Variants in TANC1 observed in about 807,000 individuals in gnomAD.
TANC1 encodes the protein protein TANC1.
Under a neutral mutation model 149.7 loss-of-function variants are expected in TANC1, and 77 were observed. That is an observed-to-expected ratio of 0.51 (90% CI 0.43 to 0.62). The LOEUF (loss-of-function observed/expected upper bound fraction) is 0.62, where lower values mean the gene tolerates loss of function less well. Among genes scored for constraint, TANC1 ranks in the 20% least tolerant of loss-of-function variants. TANC1 has a pLI of 0.00. For synonymous variants in TANC1, 854 were observed against 925.0 expected, an observed-to-expected ratio of 0.92 and a Z score of 1.39; for missense variants, 1,985 against 2,321.8, an observed-to-expected ratio of 0.85 and a Z score of 2.98.
At chr2:159,186,234 C>T (rs1027147478) in intron 15 of TANC1, among the ~76,000 whole-genome samples, 3 of 152,054 alleles carry the variant, frequency 2.0e-5, no homozygotes, top group East Asian at 1.9e-4. Context: ...TTGATTTGTT[C>T]GAGAACCTGA....
intron 7 of TANC1, among the ~76,000 whole-genome samples, chr2:159,153,652 C>A (rs2053102704): frequency 6.8e-6 from 1 of 147,230 alleles, no homozygotes; most frequent in South Asian, 2.2e-4. Flanking sequence ...AGCCACAGGT[C>A]TTTGAAGAGG....
At chr2:159,094,899 A>C (rs528225229) in intron 3 of TANC1, among the ~76,000 whole-genome samples, 35 of 151,838 alleles carry the variant, frequency 2.3e-4, no homozygotes, top group African/African-American at 8.2e-4. Flanking sequence ...ATTTGCATGA[A>C]TGTCCTTATT....
chr2:159,108,817 G>T (rs1046693235), intron 4 of TANC1, among the ~76,000 whole-genome samples: 23 of 152,090 alleles, frequency 1.5e-4, no homozygotes, highest in Admixed American at 3.9e-4. Flanking sequence ...GAGCCCAGTG[G>T]GAACCAGAGT....
chr2:159,075,338 C>T (rs1224569928), intron 3 of TANC1, among the ~76,000 whole-genome samples: 4 of 150,518 alleles, frequency 2.7e-5, no homozygotes, highest in East Asian at 2.0e-4. Context: ...GAGGCTGAGG[C>T]GGGAGGATTG....
Position 159,179,002 on chromosome 2 carries a change from G to C in TANC1, c.2349G>C (p.Gln783His). The C allele has an allele frequency of 1.2e-6, 2 of 1,614,092 alleles. No homozygotes were observed. Among genetic ancestry groups the C allele is most frequent in the Non-Finnish European group, 1.7e-6 (2 of 1,180,034 alleles). Residue 783 changes from glutamine (Q) to histidine (H), a missense_variant, in exon 14 of 27, where the codon CAG becomes CAC. Transcript: ENST00000263635. ...IFQAINAGHIQGEQGWEDFQQ... is the reference protein window; with the variant it reads ...IFQAINAGHIHGEQGWEDFQQ... The stretch of plus-strand genomic sequence containing the variant: ...AGGCTATTAATGCTGGCCACATCCA[G>C]GGGGAGCAGGGATGGGAAGACTTTC...
intron 2 of TANC1, among the ~76,000 whole-genome samples, chr2:159,027,619 G>A (rs2039452342): frequency 6.6e-6 from 1 of 152,060 alleles, no homozygotes. Flanking sequence ...GCAATTACAG[G>A]CTTTTTCTAG....
intron 7 of TANC1, among the ~76,000 whole-genome samples, chr2:159,158,078 G>T (rs77384527): frequency 1.3e-5 from 2 of 152,086 alleles, no homozygotes; most frequent in Non-Finnish European, 2.9e-5. Flanking sequence ...TAGAGAGGCC[G>T]GGCATGGTGG....
At chr2:159,009,119 A>C (rs1011925016) in intron 2 of TANC1, among the ~76,000 whole-genome samples, 1 of 152,152 alleles carries the variant, frequency 6.6e-6, no homozygotes, top group African/African-American at 2.4e-5. Context: ...CCAAAGCTTT[A>C]TTTTCACTTG....
At position 159,198,916 on chromosome 2, in the gene TANC1, G is replaced by A. The variant is rs1279094249; in HGVS notation, c.3166-59G>A. The stretch of plus-strand genomic sequence containing the variant: ...ACACACTGTCTCCTTTGATACATGG[G>A]CTATAATAAGCACCTCTTGCTAAGA... On this transcript the variant is annotated intron_variant, in intron 18 of 26. Transcript: ENST00000263635. The A allele has an allele frequency of 6.8e-6, 8 of 1,178,460 alleles. No individual in the cohort carries two copies. The African/African-American group carries it at 9.0e-5, about 13-fold the overall frequency. 73.0% of individuals were successfully genotyped at this position (1,178,460 alleles called of 1,614,324 possible). A position where few individuals can be genotyped will look rare whatever the true frequency, so the allele number is the denominator to read the frequency against.
chr2:159,094,732 G>A (rs1331037892), intron 3 of TANC1, among the ~76,000 whole-genome samples: 1 of 148,758 alleles, frequency 6.7e-6, no homozygotes, highest in Non-Finnish European at 1.5e-5. Context: ...GTATCTTACA[G>A]TGCTAGCTAG....
intron 2 of TANC1, among the ~76,000 whole-genome samples, chr2:159,007,779 C>T (rs1342594686): frequency 6.6e-6 from 1 of 152,016 alleles, no homozygotes; most frequent in African/African-American, 2.4e-5. Context: ...AGATGAAATC[C>T]CTGGACTTAA....
chr2:159,142,379 A>T (rs2051473915), intron 5 of TANC1, among the ~76,000 whole-genome samples: 1 of 152,222 alleles, frequency 6.6e-6, no homozygotes, highest in South Asian at 2.1e-4. Context: ...AACTTCTGAT[A>T]CCTTAGTATA....
chr2:159,162,399 A>G (rs1002971411), intron 7 of TANC1, among the ~76,000 whole-genome samples: 2 of 152,206 alleles, frequency 1.3e-5, no homozygotes, highest in East Asian at 3.8e-4. Flanking sequence ...AGCCAGCGTT[A>G]GTTCTAACAG....
chr2:159,157,193 G>A (rs73002942), intron 7 of TANC1, among the ~76,000 whole-genome samples: 1,677 of 152,250 alleles, frequency 0.011, 29 homozygotes, highest in African/African-American at 0.037. Context: ...GTTGGGGCGG[G>A]GGTCCCACCT....
rs375234379 is a variant in TANC1, at chr2:159,219,861, C to T, written c.3672C>T (p.Ala1224=). The change falls in exon 22 of 27, where the codon GCC becomes GCT. Residue 1224 remains alanine (A), a synonymous_variant. Transcript: ENST00000263635. ...PLDLAAFYGD[A]ETVLYLVEKG... ...ACCTGGCTGCCTTCTATGGCGATGCCGAGACTGTGAGTACCAGCAGGTGTT... is the reference window on the plus strand; with the variant it reads ...ACCTGGCTGCCTTCTATGGCGATGCTGAGACTGTGAGTACCAGCAGGTGTT... 3 of 1,612,810 alleles carry T rather than the reference C, an allele frequency of 1.9e-6. No individual in the cohort carries two copies. The highest frequency in any genetic ancestry group is 1.7e-6 in the Non-Finnish European group (2 of 1,179,984).
chr2:159,064,124 C>A (rs1559189997), intron 2 of TANC1, among the ~76,000 whole-genome samples: 1 of 152,160 alleles, frequency 6.6e-6, no homozygotes, highest in African/African-American at 2.4e-5. Context: ...GTTTACCTAT[C>A]TATTTATTAT....
chr2:159,027,014 CT>C, intron 2 of TANC1: 1 of 152,122 alleles, frequency 6.6e-6, no homozygotes, highest in Non-Finnish European at 1.5e-5. Flanking sequence ...CCTGAACACA[CT>C]TTTTCACTCA....
chr2:159,055,230 A>G (rs1417183445), intron 2 of TANC1, among the ~76,000 whole-genome samples: 4 of 152,208 alleles, frequency 2.6e-5, no homozygotes, highest in South Asian at 2.1e-4. Context: ...CACGCCTTCT[A>G]CTGAGTTATG....
intron 19 of TANC1, among the ~76,000 whole-genome samples, chr2:159,203,406 T>G (rs2150776092): frequency 6.6e-6 from 1 of 151,932 alleles, no homozygotes; most frequent in South Asian, 2.1e-4. Flanking sequence ...GGGGTTTCAC[T>G]GTATTGGCCA....
Sources: allele counts gnomAD v4.1 joint callset (sites outside exome capture counted in the v4.1 genomes callset), GRCh38; gene constraint gnomAD v4.1.1; transcripts MANE v1.5; gene names NCBI Gene and HGNC (gene_info 2026-07-23, HGNC 2026-07-21).